Variants in NRXN2 observed in about 807,000 individuals in gnomAD.
The protein encoded by NRXN2 is neurexin-2-beta.
A neutral mutation model predicts 128.8 loss-of-function variants in NRXN2; 29 were observed. The ratio of observed to expected loss-of-function variants is 0.23; its 90% CI spans 0.17 to 0.31. The LOEUF is 0.31. NRXN2 is among the 10% of genes least tolerant of loss of function. The probability of loss-of-function intolerance (pLI) is 1.00; values close to 1 mark genes in which losing one functional copy is unlikely to be tolerated. For synonymous variants in NRXN2, 1,098 were observed against 1,075.2 expected, an observed-to-expected ratio of 1.02 and a Z score of -0.41; for missense variants, 1,881 against 2,452.6, an observed-to-expected ratio of 0.77 and a Z score of 4.92.
rs907658901 is a variant in NRXN2 at position 64,688,061 on chromosome 11, C to A, written c.851-2114G>T. On this transcript the variant is annotated intron_variant, in intron 5 of 22. Coordinates refer to ENST00000265459, the MANE Select transcript of NRXN2 (RefSeq NM_015080.4). ...CAAAGAAAGTATCATTAAAGAGAGTCAAACAGAAAGAAAGAAAAGAATAAG... is the reference window on the plus strand; with the variant it reads ...CAAAGAAAGTATCATTAAAGAGAGTAAAACAGAAAGAAAGAAAAGAATAAG... Among the ~76,000 whole-genome samples, 9 of 152,166 alleles carry A rather than the reference C, an allele frequency of 5.9e-5. No individual in the cohort carries two copies. The South Asian group carries it at 8.3e-4, about 14-fold the overall frequency.
At chr11:64,625,531 G>A (rs970683939) in intron 20 of NRXN2, among the ~76,000 whole-genome samples, 3 of 152,178 alleles carry the variant, frequency 2.0e-5, no homozygotes, top group African/African-American at 7.2e-5. Flanking sequence ...TTACATTTGG[G>A]GGTTTTAGTT....
At chr11:64,690,275 C>T in intron 5 of NRXN2, 130 bp downstream of exon 5, 3 of 800,252 alleles carry the variant, frequency 3.7e-6, no homozygotes, top group Non-Finnish European at 6.3e-6. Flanking sequence ...GGAGCAGACC[C>T]ATCACTTCCC....
At chr11:64,659,030 CA>C (rs937483967) in intron 11 of NRXN2, among the ~76,000 whole-genome samples, 1 of 151,780 alleles carries the variant, frequency 6.6e-6, no homozygotes, top group African/African-American at 2.4e-5. Context: ...TCTCAAAAAA[CA>C]AAAAAAATGG....
intron 11 of NRXN2, among the ~76,000 whole-genome samples, chr11:64,655,917 T>C (rs1181768126): frequency 2.0e-5 from 3 of 152,180 alleles, no homozygotes; most frequent in African/African-American, 7.2e-5. Flanking sequence ...GTGCCTCAAG[T>C]GCAGGGAATA....
chr11:64,677,744 T>C (rs899683192), intron 6 of NRXN2, among the ~76,000 whole-genome samples: 1 of 152,150 alleles, frequency 6.6e-6, no homozygotes, highest in African/African-American at 2.4e-5. Context: ...GGATGGGCTA[T>C]TGGTTGGAGC....
At chr11:64,693,042 ACATCGGGGGGAGCCCCAGCC>A (rs2054034501) in intron 3 of NRXN2, 166 bp from the exon 4 acceptor site, 2 of 693,154 alleles carry the variant, frequency 2.9e-6, no homozygotes, top group Non-Finnish European at 4.9e-6. Flanking sequence ...CTTGTGACAG[ACATCGGGGGGAGCCCCAGCC>A]CAGGAGCTGA....
intron 17 of NRXN2, among the ~76,000 whole-genome samples, chr11:64,638,677 TG>T (rs2135403116): frequency 6.6e-6 from 1 of 152,218 alleles, no homozygotes; most frequent in South Asian, 2.1e-4. Context: ...TGCCCAAGGG[TG>T]GTGTAGACCA....
intron 7 of NRXN2, among the ~76,000 whole-genome samples, chr11:64,673,780 T>G (rs2050934590): frequency 6.6e-6 from 1 of 152,166 alleles, no homozygotes; most frequent in African/African-American, 2.4e-5. Context: ...GGCTCATGCC[T>G]GTAATCCTAA....
At chr11:64,682,213 C>T (rs2052404068) in intron 6 of NRXN2, among the ~76,000 whole-genome samples, 1 of 149,890 alleles carries the variant, frequency 6.7e-6, no homozygotes, top group African/African-American at 2.5e-5. Flanking sequence ...CTTTAGAGGA[C>T]TCTGCCCCTG....
At chr11:64,698,453 A>G (rs1286877165) in intron 2 of NRXN2, among the ~76,000 whole-genome samples, 1 of 152,132 alleles carries the variant, frequency 6.6e-6, no homozygotes, top group Non-Finnish European at 1.5e-5. Flanking sequence ...CATCCTATTC[A>G]CTTAACCTCT....
intron 2 of NRXN2, among the ~76,000 whole-genome samples, chr11:64,707,780 A>G (rs1044479333): frequency 6.6e-6 from 1 of 152,164 alleles, no homozygotes; most frequent in Non-Finnish European, 1.5e-5. Context: ...CAGCTTTTTT[A>G]TCTGCTTCCT....
intron 17 of NRXN2, among the ~76,000 whole-genome samples, chr11:64,638,612 G>C (rs2045186193): frequency 6.6e-6 from 1 of 152,212 alleles, no homozygotes; most frequent in Non-Finnish European, 1.5e-5. Flanking sequence ...GAACCTGACA[G>C]GCTCCAGAAA....
intron 9 of NRXN2, among the ~76,000 whole-genome samples, chr11:64,666,204 ATTTT>A (rs35403625): frequency 2.2e-5 from 3 of 137,184 alleles, no homozygotes; most frequent in African/African-American, 2.7e-5. Context: ...GAGTGAGTTA[ATTTT>A]TTTTTTTTTT....
At chr11:64,671,886 A>T (rs1358878670) in intron 7 of NRXN2, among the ~76,000 whole-genome samples, 1 of 152,086 alleles carries the variant, frequency 6.6e-6, no homozygotes, top group East Asian at 1.9e-4. Context: ...GCCACCGATC[A>T]CCAACCCCGA....
Position 64,648,176 on chromosome 11 carries a change from C to A in NRXN2, c.3403+43G>T, listed in dbSNP as rs774610172. ...GGCAGCCCCTATGGCTGGGAATGGA[C>A]CCTGGTCTCCCCAAACTGCCCCCAG... On this transcript the variant is annotated intron_variant, in intron 17 of 22. Coordinates refer to ENST00000265459, the MANE Select transcript of NRXN2 (RefSeq NM_015080.4). This position sits in a 1 kb window ranked among gnomAD's most constrained non-coding sequence, Gnocchi z 4.1. 60 of 1,613,644 alleles carry A rather than the reference C, an allele frequency of 3.7e-5. No homozygotes were observed. Among genetic ancestry groups the A allele is most frequent in the Non-Finnish European group, 4.8e-5 (57 of 1,179,940 alleles).
chr11:64,712,142 C>A (rs1253917457), intron 2 of NRXN2, among the ~76,000 whole-genome samples: 1 of 152,164 alleles, frequency 6.6e-6, no homozygotes, highest in Non-Finnish European at 1.5e-5. Context: ...CCTGCCCACA[C>A]TGGCCTTTCC....
rs2048786461 is a variant in NRXN2, at chr11:64,659,936, C to T, written c.2389+396G>A. ...ACCACACTGAGCTCAGGCTTAGCACCCACTAGGCGTCAGCAAGTGCTTCTC... is the reference window on the plus strand; with the variant it reads ...ACCACACTGAGCTCAGGCTTAGCACTCACTAGGCGTCAGCAAGTGCTTCTC... On this transcript the variant is annotated intron_variant, in intron 11 of 22. Transcript: ENST00000265459. Among the ~76,000 whole-genome samples the T allele has an allele frequency of 2.6e-5, 4 of 152,156 alleles. No individual in the cohort carries two copies. The South Asian group carries it at 8.3e-4, about 32-fold the overall frequency.
intron 2 of NRXN2, among the ~76,000 whole-genome samples, chr11:64,706,077 TA>T (rs1242548776): frequency 1.0e-4 from 6 of 57,388 alleles, no homozygotes; most frequent in African/African-American, 4.4e-4. Context: ...TATATATATA[TA>T]ATATATATAA....
Position 64,658,455 on chromosome 11 carries a change from C to T in NRXN2, c.2389+1877G>A, listed in dbSNP as rs556942914. On this transcript the variant is annotated intron_variant, in intron 11 of 22. Coordinates refer to ENST00000265459, the MANE Select transcript of NRXN2 (RefSeq NM_015080.4). ...CCCTGCAGAGCTGCTGCACACCACC[C>T]GCTCTACAGGCTGTGATCGTGGTTA... Among the ~76,000 whole-genome samples the T allele has an allele frequency of 1.9e-4, 29 of 152,324 alleles. No homozygotes were observed. In the South Asian group the frequency reaches 4.3e-3, roughly 23 times the overall value.
Sources: gnomAD v4.1 joint callset for allele counts (sites outside exome capture counted in the v4.1 genomes callset) on GRCh38, gnomAD v4.1.1 for gene constraint, Gnocchi (gnomAD v3.1) non-coding constraint, MANE v1.5 for transcripts, NCBI Gene and HGNC (gene_info 2026-07-23, HGNC 2026-07-21) for gene names.